CDH13: variants seen among roughly 807,000 people sequenced by gnomAD.
The protein encoded by CDH13 is cadherin 13.
CDH13 carries 24 observed loss-of-function variants against 63.8 expected under a neutral mutation model. The ratio of observed to expected loss-of-function variants is 0.38; its 90% CI spans 0.27 to 0.53. The LOEUF (loss-of-function observed/expected upper bound fraction) is 0.53. Ranked by LOEUF, CDH13 falls within the 20% of genes least tolerant of loss-of-function variation. The probability of loss-of-function intolerance (pLI) is 0.85; values close to 1 mark genes in which losing one functional copy is unlikely to be tolerated. For synonymous variants in CDH13, 503 were observed against 355.3 expected (o/e 1.42, Z -4.67); for missense variants, 1,049 against 903.1 (o/e 1.16, Z -2.07).
intron 1 of CDH13, chr16:82,705,373 A>G (rs552679333): frequency 6.6e-6 from 2 of 304,048 alleles, no homozygotes; most frequent in South Asian, 5.8e-5. Flanking sequence ...CAATACGCTA[A>G]TACAGTGTCT....
At position 82,858,486 on chromosome 16, in the gene CDH13, A is replaced by C; in HGVS notation, c.157+13A>C. ...TCAATTCTAAACTGTAAGCAATGTC[A>C]CTCAAAGATGCTTTTAGACTCTTCT... is the stretch of plus-strand genomic sequence containing the variant. On this transcript the variant is annotated intron_variant, in intron 2 of 13. Coordinates refer to ENST00000567109, the MANE Select transcript of CDH13 (RefSeq NM_001257.5). The C allele has an allele frequency of 2.0e-6, 3 of 1,463,424 alleles. No individual in the cohort carries two copies. The highest frequency in any genetic ancestry group is 2.9e-6 in the Non-Finnish European group (3 of 1,042,934). The allele number at this position is 1,463,424 out of a possible 1,614,324, so 90.7% of individuals were successfully genotyped here.
chr16:83,271,626 T>G (rs2088821029), intron 5 of CDH13, among the ~76,000 whole-genome samples: 1 of 151,826 alleles, frequency 6.6e-6, no homozygotes, highest in African/African-American at 2.4e-5. Context: ...ACCGCTGGTT[T>G]CTCAATTACA....
intron 1 of CDH13, among the ~76,000 whole-genome samples, chr16:82,671,453 ATG>A (rs1913232407): frequency 1.3e-5 from 2 of 152,170 alleles, no homozygotes; most frequent in South Asian, 4.1e-4. Flanking sequence ...ATTTATACAC[ATG>A]TCTTTTCAAA....
intron 5 of CDH13, among the ~76,000 whole-genome samples, chr16:83,222,823 G>T (rs2039735446): frequency 6.6e-6 from 1 of 152,124 alleles, no homozygotes; most frequent in Non-Finnish European, 1.5e-5. Context: ...CAGATGAGGT[G>T]GTGCTACAGG....
intron 6 of CDH13, among the ~76,000 whole-genome samples, chr16:83,362,710 C>A (rs1047531219): frequency 6.6e-6 from 1 of 152,210 alleles, no homozygotes; most frequent in African/African-American, 2.4e-5. Context: ...TACTGCATTT[C>A]CTCTGTCTCA....
rs561270858 is a variant in CDH13, at chr16:82,995,032, A to T, written c.158-36978A>T. 1.9e-3 allele frequency among the ~76,000 whole-genome samples: 292 copies of T among 152,324 alleles called. 2 individuals carry two copies. Among genetic ancestry groups the T allele is most frequent in the Middle Eastern group, 0.017 (5 of 294 alleles). ...ATAGAATGCATAATGTTTACAAAGCACTTGGTACAAAGAGGCATAAAGCAA... is the reference window on the plus strand; with the variant it reads ...ATAGAATGCATAATGTTTACAAAGCTCTTGGTACAAAGAGGCATAAAGCAA... On this transcript the variant is annotated intron_variant, in intron 2 of 13. Coordinates refer to ENST00000567109, the MANE Select transcript of CDH13 (RefSeq NM_001257.5).
chr16:83,402,701 C>T (rs954625227), intron 6 of CDH13, among the ~76,000 whole-genome samples: 4 of 152,158 alleles, frequency 2.6e-5, no homozygotes, highest in Middle Eastern at 3.2e-3. Context: ...CAAGCATTAG[C>T]ATAGTGCCCA....
chr16:82,855,236 G>A (rs74417656), intron 1 of CDH13, among the ~76,000 whole-genome samples: 127 of 152,246 alleles, frequency 8.3e-4, no homozygotes, highest in African/African-American at 3.0e-3. Flanking sequence ...TCCTGAATGG[G>A]CCCTGCAAAG....
At chr16:83,089,178 A>T (rs575311300) in intron 3 of CDH13, among the ~76,000 whole-genome samples, 4 of 152,342 alleles carry the variant, frequency 2.6e-5, no homozygotes, top group African/African-American at 9.6e-5. Flanking sequence ...TCCATTTTAC[A>T]GATGTAGAGG....
intron 10 of CDH13, among the ~76,000 whole-genome samples, chr16:83,745,120 G>T (rs1036842369): frequency 6.6e-6 from 1 of 152,194 alleles, no homozygotes; most frequent in Non-Finnish European, 1.5e-5. Context: ...GAAGCTCCTG[G>T]AGCGGTGTCC....
chr16:82,830,755 T>C (rs1567578784), intron 1 of CDH13, among the ~76,000 whole-genome samples: 1 of 152,308 alleles, frequency 6.6e-6, no homozygotes, highest in East Asian at 1.9e-4. Flanking sequence ...GTTTTATGCA[T>C]AAAAGAAGGC....
At chr16:82,966,646 C>A (rs1171094460) in intron 2 of CDH13, among the ~76,000 whole-genome samples, 1 of 152,142 alleles carries the variant, frequency 6.6e-6, no homozygotes, top group Non-Finnish European at 1.5e-5. Flanking sequence ...TGAATTCAGA[C>A]TTACAGGAAA....
At chr16:82,975,609 A>G (rs1909390287) in intron 2 of CDH13, among the ~76,000 whole-genome samples, 1 of 152,194 alleles carries the variant, frequency 6.6e-6, no homozygotes, top group Non-Finnish European at 1.5e-5. Context: ...TAATGATACT[A>G]TTTTCATTAG....
chr16:82,906,354 G>C (rs1195640896), intron 2 of CDH13, among the ~76,000 whole-genome samples: 1 of 152,130 alleles, frequency 6.6e-6, no homozygotes, highest in African/African-American at 2.4e-5. Context: ...CATTTCTCTG[G>C]TGTGAGTTTT....
At chr16:83,759,169 C>T (rs1913752096) in intron 11 of CDH13, among the ~76,000 whole-genome samples, 1 of 152,110 alleles carries the variant, frequency 6.6e-6, no homozygotes, top group South Asian at 2.1e-4. Context: ...GTAATTGAAA[C>T]CATGGTATTT....
At chr16:83,098,346 C>G (rs2034305817) in intron 3 of CDH13, among the ~76,000 whole-genome samples, 1 of 152,180 alleles carries the variant, frequency 6.6e-6, no homozygotes, top group Admixed American at 6.5e-5. Context: ...AGGTTGTAAA[C>G]TCTACATTAC....
At chr16:82,711,918 A>G (rs2031977412) in intron 1 of CDH13, among the ~76,000 whole-genome samples, 1 of 152,228 alleles carries the variant, frequency 6.6e-6, no homozygotes, top group African/African-American at 2.4e-5. Flanking sequence ...GCTCAGGGAA[A>G]TTAAATCACT....
chr16:83,678,378 C>G lies in CDH13; in HGVS notation c.1455C>G (p.Thr485=). ...TCTACCCAGACCCCATGATGGTGACCAGGCAGGAGGACCTCTCTGTGGGCA... is the reference window on the plus strand; with the variant it reads ...TCTACCCAGACCCCATGATGGTGACGAGGCAGGAGGACCTCTCTGTGGGCA... ...PVFYPDPMMV[T]RQEDLSVGSV... is the part of the protein sequence containing the mutation. The change falls in exon 10 of 14, where the codon ACC becomes ACG. Residue 485 remains threonine (T), a synonymous_variant. Transcript: ENST00000567109. 3 of 1,613,988 alleles carry G rather than the reference C, an allele frequency of 1.9e-6. No individual in the cohort carries two copies. Among genetic ancestry groups the G allele is most frequent in the Non-Finnish European group, 2.5e-6 (3 of 1,179,892 alleles).
At chr16:82,740,236 T>A (rs377001704) in intron 1 of CDH13, among the ~76,000 whole-genome samples, 1 of 152,194 alleles carries the variant, frequency 6.6e-6, no homozygotes, top group Non-Finnish European at 1.5e-5. Context: ...CAATAGTTGA[T>A]TGATTTCTTA....
Sources: allele counts gnomAD v4.1 joint callset (sites outside exome capture counted in the v4.1 genomes callset), GRCh38; gene constraint gnomAD v4.1.1; transcripts MANE v1.5; gene names NCBI Gene and HGNC (gene_info 2026-07-23, HGNC 2026-07-21).